CATSPERD: variants seen among roughly 807,000 people sequenced by gnomAD.
The protein encoded by CATSPERD is catsper channel auxiliary subunit delta, also known as cation channel sperm-associated auxiliary subunit delta.
A neutral mutation model predicts 98.1 loss-of-function variants in CATSPERD; 86 were observed. The ratio of observed to expected loss-of-function variants is 0.88; its 90% CI spans 0.74 to 1.05. The LOEUF (loss-of-function observed/expected upper bound fraction) is 1.05. Ranked by LOEUF, CATSPERD falls within the 50% of genes least tolerant of loss-of-function variation. The pLI is 0.00. For synonymous variants in CATSPERD, 394 were observed against 390.2 expected, an observed-to-expected ratio of 1.01 and a Z score of -0.12; for missense variants, 995 against 1,005.7, an observed-to-expected ratio of 0.99 and a Z score of 0.14.
intron 7 of CATSPERD, among the ~76,000 whole-genome samples, chr19:5,743,495 T>C (rs2056029959): frequency 6.8e-6 from 1 of 146,108 alleles, no homozygotes; most frequent in Admixed American, 7.1e-5. Flanking sequence ...CTACTTGAGA[T>C]GGGGAGGCAG....
chr19:5,767,942 G>A (rs1039983965), intron 17 of CATSPERD, among the ~76,000 whole-genome samples: 5 of 151,944 alleles, frequency 3.3e-5, no homozygotes, highest in African/African-American at 9.7e-5. Flanking sequence ...GATTAGAGGC[G>A]CGTGATGCCA....
chr19:5,772,796 A>G lies in CATSPERD; in HGVS notation c.1772A>G (p.Lys591Arg). The change falls in exon 20 of 22, where the codon AAA becomes AGA. Residue 591 changes from lysine (K) to arginine (R), a missense_variant. This residue lies in a region of CATSPERD where 762 missense variants were observed against 773.7 expected (regional missense o/e 0.98). Transcript: ENST00000381624. Reference sequence around the variant, plus strand: ...CCGTGCCTGTGTCCTAGGTGGCGAAAAGACAGTTTCCAGGAGGTCATCGAC... The same window carrying G: ...CCGTGCCTGTGTCCTAGGTGGCGAAGAGACAGTTTCCAGGAGGTCATCGAC... ...LWKPVVELWRKDSFQEVIDAE... is the reference protein window; with the variant it reads ...LWKPVVELWRRDSFQEVIDAE... 1 of 1,613,634 alleles carries G rather than the reference A, an allele frequency of 6.2e-7. No homozygotes were observed. Among genetic ancestry groups the G allele is most frequent in the Non-Finnish European group, 8.5e-7 (1 of 1,179,752 alleles).
At chr19:5,767,672 A>C (rs1320944926) in intron 17 of CATSPERD, among the ~76,000 whole-genome samples, 2 of 151,630 alleles carry the variant, frequency 1.3e-5, no homozygotes, top group Non-Finnish European at 2.9e-5. Context: ...TATTTTTAGT[A>C]GAGACGGGGT....
intron 18 of CATSPERD, among the ~76,000 whole-genome samples, chr19:5,769,324 G>A (rs2056603626): frequency 1.3e-5 from 2 of 151,296 alleles, no homozygotes; most frequent in South Asian, 4.2e-4. Flanking sequence ...AGAGGGTGGT[G>A]GGATGGGGGG....
chr19:5,738,565 C>T (rs1293319494), intron 6 of CATSPERD, among the ~76,000 whole-genome samples: 1 of 152,032 alleles, frequency 6.6e-6, no homozygotes, highest in Non-Finnish European at 1.5e-5. Context: ...AACTTAATTA[C>T]TAATAGCCTA....
At chr19:5,731,078 C>A (rs1291442168) in intron 4 of CATSPERD, among the ~76,000 whole-genome samples, 2 of 141,456 alleles carry the variant, frequency 1.4e-5, no homozygotes, top group Non-Finnish European at 3.0e-5. Context: ...GGTGACAGAG[C>A]GAGACTCCGT....
At chr19:5,725,644 G>A (rs1374453144) in intron 2 of CATSPERD, among the ~76,000 whole-genome samples, 1 of 151,958 alleles carries the variant, frequency 6.6e-6, no homozygotes, top group Non-Finnish European at 1.5e-5. Flanking sequence ...GCTTATGCCT[G>A]TAATCCCAGC....
chr19:5,741,790 G>A lies in CATSPERD; in HGVS notation c.573+2351G>A, dbSNP rs559877382. Among the ~76,000 whole-genome samples the A allele has an allele frequency of 2.1e-5, 2 of 96,746 alleles. 1 individual carries two copies. The highest frequency in any genetic ancestry group is 7.4e-5 in the African/African-American group (2 of 27,112). 63.5% of individuals were successfully genotyped at this position (96,746 alleles called of 152,430 possible). On this transcript the variant is annotated intron_variant, in intron 7 of 21. Transcript: ENST00000381624. ...GCACTTTGGGATGCTGAAGGCGGGG[G>A]GGGGGGGGTGGTGTGGATCACTTGA... is the stretch of plus-strand genomic sequence containing the variant.
chr19:5,752,525 A>G (rs2056240259), intron 12 of CATSPERD, among the ~76,000 whole-genome samples: 1 of 152,076 alleles, frequency 6.6e-6, no homozygotes, highest in African/African-American at 2.4e-5. Context: ...AGACAACAAG[A>G]TAGTATTCGT....
chr19:5,776,780 A>G (rs1008018473), intron 21 of CATSPERD, among the ~76,000 whole-genome samples: 11 of 151,906 alleles, frequency 7.2e-5, no homozygotes, highest in Admixed American at 2.0e-4. Flanking sequence ...AGGCTGAGGC[A>G]GGAGAATCGC....
In CATSPERD at chr19:5,757,869, G is replaced by T; in HGVS notation, c.1305G>T (p.Leu435=). The T allele has an allele frequency of 6.2e-7, 1 of 1,613,148 alleles. No homozygotes were observed. ...TGATGGTGAGCAACCCCCACTCCCT[G>T]GGGTTCCAGGCCACCTTCTACGAGA... ...PLVMVSNPHS[L]GFQATFYENG... Residue 435 remains leucine (L), a synonymous_variant, in exon 14 of 22, where the codon CTG becomes CTT. Transcript: ENST00000381624.
At position 5,751,803 on chromosome 19, in the gene CATSPERD, C is replaced by T. The variant is rs766805612; in HGVS notation, c.1144C>T (p.Leu382Phe). Reference protein sequence around the residue: ...NIQALLMDPELHVGKCKIEFL... With the variant: ...NIQALLMDPEFHVGKCKIEFL... Reference sequence around the variant, plus strand: ...CCAGGCGCTTCTCATGGACCCTGAACTCCACGTTGGAAAGTGCAAGGTATG... The same window carrying T: ...CCAGGCGCTTCTCATGGACCCTGAATTCCACGTTGGAAAGTGCAAGGTATG... The change falls in exon 12 of 22, where the codon CTC (leucine) becomes TTC (phenylalanine). Residue 382 changes from leucine to phenylalanine, a missense_variant. By Grantham distance (22) the Leu-to-Phe change is conservative. Around this residue, in one of 3 missense-constraint regions of CATSPERD, gnomAD observed 762 missense variants for 773.7 expected, o/e 0.98. Coordinates refer to ENST00000381624, the MANE Select transcript of CATSPERD (RefSeq NM_152784.4). 9 of 1,612,232 alleles carry T rather than the reference C, an allele frequency of 5.6e-6. No individual in the cohort carries two copies. In the Admixed American group the frequency reaches 1.5e-4, roughly 27 times the overall value.
chr19:5,759,728 A>T (rs1281846461), intron 15 of CATSPERD, among the ~76,000 whole-genome samples: 1 of 151,926 alleles, frequency 6.6e-6, no homozygotes, highest in Non-Finnish European at 1.5e-5. Flanking sequence ...AGATGAAAGG[A>T]TGAACACAGC....
intron 20 of CATSPERD, among the ~76,000 whole-genome samples, chr19:5,773,177 G>C (rs4377262): frequency 0.87 from 132,011 of 152,152 alleles, 57,357 homozygotes; most frequent in Admixed American, 0.88. Flanking sequence ...CATGGCAAAA[G>C]CCCGTCTCTA....
Position 5,748,239 on chromosome 19 carries a change from C to T in CATSPERD, c.888C>T (p.Ile296=). ...CCATTTTTGAAGCCAAGATCACCAT[C>T]CACAACATTGCTGTCAGTGCGTAGC... ...FSSIFEAKIT[I]HNIAVTENEL... The change falls in exon 10 of 22, where the codon ATC becomes ATT. Residue 296 remains isoleucine, a synonymous_variant. Coordinates refer to ENST00000381624, the MANE Select transcript of CATSPERD (RefSeq NM_152784.4). 6.2e-7 allele frequency: 1 copy of T among 1,613,982 alleles called. No homozygotes were observed. Among genetic ancestry groups the T allele is most frequent in the Non-Finnish European group, 8.5e-7 (1 of 1,179,894 alleles).
In CATSPERD at chr19:5,757,937, G is replaced by C; in HGVS notation, c.1368+5G>C. 1 of 1,609,622 alleles carries C rather than the reference G, an allele frequency of 6.2e-7. No homozygotes were observed. The highest frequency in any genetic ancestry group is 8.5e-7 in the Non-Finnish European group (1 of 1,178,124). ...GGGAACACCAAGTACAAACTGGTGAGCCGCGTCCCCACCAAACCCTGTCGC... is the reference window on the plus strand; with the variant it reads ...GGGAACACCAAGTACAAACTGGTGACCCGCGTCCCCACCAAACCCTGTCGC... On this transcript the variant is annotated splice_donor_5th_base_variant and intron_variant, in intron 14 of 21. Transcript: ENST00000381624.
rs1399930380 is a variant in CATSPERD, at chr19:5,741,793, G to GC, written c.573+2354_573+2355insC. ...CTTTGGGATGCTGAAGGCGGGGGGG[G>GC]GGGGGTGGTGTGGATCACTTGAGGT... On this transcript the variant is annotated intron_variant, in intron 7 of 21. Coordinates refer to ENST00000381624, the MANE Select transcript of CATSPERD (RefSeq NM_152784.4). Among the ~76,000 whole-genome samples, 3 of 96,054 alleles carry GC rather than the reference G, an allele frequency of 3.1e-5. 1 individual carries two copies. The highest frequency in any genetic ancestry group is 2.4e-5 in the Non-Finnish European group (1 of 41,194). The allele number at this position is 96,054 out of a possible 152,430, so 63.0% of individuals were successfully genotyped here. A position where few individuals can be genotyped will look rare whatever the true frequency, so the allele number is the denominator to read the frequency against.
chr19:5,768,903 C>T (rs147179960), intron 18 of CATSPERD, among the ~76,000 whole-genome samples: 47 of 152,170 alleles, frequency 3.1e-4, no homozygotes, highest in African/African-American at 1.0e-3. Flanking sequence ...CGGTGGCTCA[C>T]GCCTGTAATC....
intron 9 of CATSPERD, among the ~76,000 whole-genome samples, chr19:5,747,850 G>A (rs534706611): frequency 2.0e-5 from 3 of 151,940 alleles, no homozygotes; most frequent in East Asian, 3.9e-4. Context: ...GACTTCAAGC[G>A]ATCTGCCCAC....
Sources: allele counts gnomAD v4.1 joint callset (sites outside exome capture counted in the v4.1 genomes callset), GRCh38; gene constraint gnomAD v4.1.1; regional missense constraint gnomAD v4.1.1; transcripts MANE v1.5; gene names NCBI Gene and HGNC (gene_info 2026-07-23, HGNC 2026-07-21).